ADH6: variants seen among roughly 807,000 people sequenced by gnomAD.
ADH6 encodes the protein alcohol dehydrogenase 6 (class V).
A neutral mutation model predicts 36.5 loss-of-function variants in ADH6; 34 were observed. That is an observed-to-expected ratio of 0.93 (90% CI 0.71 to 1.24). The LOEUF is 1.24. ADH6 is among the 50% of genes most tolerant of loss of function. The pLI, the probability that ADH6 is intolerant of heterozygous loss-of-function variation, is 0.00. For synonymous variants in ADH6, 161 were observed against 155.5 expected (o/e 1.04, Z -0.26); for missense variants, 440 against 447.0 (o/e 0.98, Z 0.14).
At chr4:99,210,749 T>A (rs1282380134) in intron 3 of ADH6, among the ~76,000 whole-genome samples, 4 of 152,184 alleles carry the variant, frequency 2.6e-5, no homozygotes, top group Admixed American at 1.3e-4. Context: ...ATTTGCCTCT[T>A]TTGTAAGCTC....
In ADH6 at chr4:99,202,681, A is replaced by G; in HGVS notation, c.*1538T>C. 1 of 396,386 alleles carries G rather than the reference A, an allele frequency of 2.5e-6. No homozygotes were observed. Among genetic ancestry groups the G allele is most frequent in the Non-Finnish European group, 4.4e-6 (1 of 225,548 alleles). 24.6% of individuals were successfully genotyped at this position (396,386 alleles called of 1,614,324 possible). On this transcript the variant is annotated 3_prime_UTR_variant, in exon 9 of 9. Transcript: ENST00000394899. ...CTTTATTGGAGCAAAGAGTGTGGAC[A>G]CTGTTTACAACAAAACGTTTCCGGG... is the stretch of plus-strand genomic sequence containing the variant.
intron 7 of ADH6, among the ~76,000 whole-genome samples, chr4:99,206,751 CAG>C (rs945398194): frequency 1.5e-4 from 23 of 152,092 alleles, no homozygotes; most frequent in African/African-American, 5.5e-4. Flanking sequence ...TCAGATTGCC[CAG>C]AGTTTCTGGA....
At chr4:99,204,553 A>G in intron 8 of ADH6, 14 of 1,216,368 alleles carry the variant, frequency 1.2e-5, no homozygotes, top group Non-Finnish European at 1.4e-5. Context: ...TTCTCCCCCA[A>G]AGTAGAACAA....
intron 7 of ADH6, 110 bp from the exon 8 acceptor site, chr4:99,205,173 T>G: frequency 1.6e-6 from 2 of 1,212,754 alleles, no homozygotes; most frequent in Non-Finnish European, 2.2e-6. Flanking sequence ...AATCTAAGCC[T>G]GTCCCGTTTA....
chr4:99,215,893 A>T (rs1731394637), intron 2 of ADH6: 1 of 206,656 alleles, frequency 4.8e-6, no homozygotes, highest in Non-Finnish European at 9.6e-6. Context: ...TGAAGGTAGA[A>T]TTTTTTTAAA....
intron 2 of ADH6, 81 bp downstream of exon 2, chr4:99,216,080 C>T (rs187162654): frequency 5.1e-4 from 333 of 650,884 alleles, no homozygotes; most frequent in African/African-American, 5.0e-3. Context: ...GTTGAATATC[C>T]GGATAAGAAT....
chr4:99,217,277 C>T (rs1390099820), intron 1 of ADH6, among the ~76,000 whole-genome samples: 1 of 152,068 alleles, frequency 6.6e-6, no homozygotes, highest in Non-Finnish European at 1.5e-5. Context: ...ACCTCGTGAT[C>T]CGCCCACCTT....
At chr4:99,212,607 A>G (rs1731262527) in intron 3 of ADH6, among the ~76,000 whole-genome samples, 1 of 151,964 alleles carries the variant, frequency 6.6e-6, no homozygotes, top group African/African-American at 2.4e-5. Flanking sequence ...GAAATTTTAT[A>G]CCATTTGACC....
rs1011973378 is a variant in ADH6, at chr4:99,203,177, C to T, written c.*1042G>A. The T allele has an allele frequency of 6.0e-6, 1 of 167,662 alleles. No individual in the cohort carries two copies. Among genetic ancestry groups the T allele is most frequent in the African/African-American group, 2.4e-5 (1 of 42,082 alleles). 10.4% of individuals were successfully genotyped at this position (167,662 alleles called of 1,614,324 possible). A position where few individuals can be genotyped will look rare whatever the true frequency, so the allele number is the denominator to read the frequency against. ...ACCCCTGTGTGATCTAGTGGGAGTC[C>T]AGAGCTAGGGGAGTCCAGCTGGAGC... On this transcript the variant is annotated 3_prime_UTR_variant, in exon 9 of 9. Coordinates refer to ENST00000394899, the MANE Select transcript of ADH6 (RefSeq NM_001102470.2).
At chr4:99,211,465 C>G (rs907391307) in intron 3 of ADH6, among the ~76,000 whole-genome samples, 1 of 152,200 alleles carries the variant, frequency 6.6e-6, no homozygotes, top group East Asian at 1.9e-4. Flanking sequence ...CTCTACACCC[C>G]AACACTAAAA....
chr4:99,213,885 A>T, intron 2 of ADH6, 138 bp from the exon 3 acceptor site: 1 of 691,260 alleles, frequency 1.4e-6, no homozygotes, highest in East Asian at 3.1e-5. Flanking sequence ...TTTTAATTCT[A>T]GGGAAGGGTC....
intron 8 of ADH6, 200 bp downstream of exon 8, chr4:99,204,725 T>G: frequency 7.8e-7 from 1 of 1,276,324 alleles, no homozygotes; most frequent in Non-Finnish European, 9.9e-7. Context: ...ACTTAAATAC[T>G]TTCAGGATTA....
chr4:99,217,504 A>T (rs1731491379), intron 1 of ADH6, among the ~76,000 whole-genome samples: 1 of 152,210 alleles, frequency 6.6e-6, no homozygotes, highest in Non-Finnish European at 1.5e-5. Flanking sequence ...TTCACTTAAG[A>T]TAATGATCTT....
intron 6 of ADH6, among the ~76,000 whole-genome samples, chr4:99,207,947 A>G (rs1731093315): frequency 6.6e-6 from 1 of 152,164 alleles, no homozygotes; most frequent in Admixed American, 6.5e-5. Flanking sequence ...AGATATTTAT[A>G]TAATAAGATG....
rs566619649 is a variant in ADH6 at position 99,217,247 on chromosome 4, A to G, written c.19-985T>C. ...GAGACGGGGTTTCACTGTGTTAGCC[A>G]GGATGTTCTTGATCTCCTGACCTCG... On this transcript the variant is annotated intron_variant, in intron 1 of 8. Transcript: ENST00000394899. 8.5e-5 allele frequency among the ~76,000 whole-genome samples: 13 copies of G among 152,186 alleles called. No homozygotes were observed. The East Asian group carries it at 1.2e-3, about 14-fold the overall frequency.
At position 99,213,604 on chromosome 4, in the gene ADH6, A is replaced by G. The variant is rs191193532; in HGVS notation, c.262+2T>C. The stretch of plus-strand genomic sequence containing the variant: ...TTCCTATTACCAGGTGCTAATTCCT[A>G]CCTGGTTTCACTGTGCTTACTCCTT... On this transcript the variant is annotated splice_donor_variant, in intron 3 of 8. Coordinates refer to ENST00000394899, the MANE Select transcript of ADH6 (RefSeq NM_001102470.2). LOFTEE classifies it high-confidence loss of function. 3 of 1,598,860 alleles carry G rather than the reference A, an allele frequency of 1.9e-6. No homozygotes were observed. The African/African-American group carries it at 4.0e-5, about 22-fold the overall frequency.
In ADH6 at chr4:99,204,594, C is replaced by A. The variant is rs1730953677; in HGVS notation, c.1103+331G>T. The A allele has an allele frequency of 5.1e-6, 6 of 1,174,554 alleles. No homozygotes were observed. The African/African-American group carries it at 9.5e-5, about 19-fold the overall frequency. The allele number at this position is 1,174,554 out of a possible 1,614,324, so 72.8% of individuals were successfully genotyped here. A position where few individuals can be genotyped will look rare whatever the true frequency, so the allele number is the denominator to read the frequency against. ...ACAACAATGGCCTATTTGTGAACTA[C>A]CTTCTTATGTTTTTAAACTTGAGCT... On this transcript the variant is annotated intron_variant, in intron 8 of 8. Transcript: ENST00000394899.
chr4:99,202,725 G>C lies in ADH6; in HGVS notation c.*1494C>G. The C allele has an allele frequency of 2.5e-6, 1 of 398,136 alleles. No homozygotes were observed. The highest frequency in any genetic ancestry group is 4.4e-6 in the Non-Finnish European group (1 of 225,720). 24.7% of individuals were successfully genotyped at this position (398,136 alleles called of 1,614,324 possible). ...TTCCGGGAAAACTTGGATTTCCCAA[G>C]ACCCGAAGACTCCTCCAAGTTCTCA... On this transcript the variant is annotated 3_prime_UTR_variant, in exon 9 of 9. Transcript: ENST00000394899.
chr4:99,217,289 G>T (rs548908928), intron 1 of ADH6, among the ~76,000 whole-genome samples: 52 of 152,036 alleles, frequency 3.4e-4, no homozygotes, highest in Non-Finnish European at 5.4e-4. Flanking sequence ...GCCCACCTTG[G>T]CCTCCCAAAG....
Sources: gnomAD v4.1 joint callset for allele counts (sites outside exome capture counted in the v4.1 genomes callset) on GRCh38, gnomAD v4.1.1 for gene constraint, MANE v1.5 for transcripts, NCBI Gene and HGNC (gene_info 2026-07-23, HGNC 2026-07-21) for gene names.